Variants in POM121C observed in about 807,000 individuals in gnomAD.
The protein encoded by POM121C is POM121 transmembrane nucleoporin C.
POM121C carries 20 observed loss-of-function variants against 66.4 expected under a neutral mutation model. The observed-to-expected ratio is 0.30, with a 90% CI of 0.21 to 0.44. The LOEUF (loss-of-function observed/expected upper bound fraction) is 0.44. Among genes scored for constraint, POM121C ranks in the 20% least tolerant of loss-of-function variants. The pLI, the probability that POM121C is intolerant of heterozygous loss-of-function variation, is 1.00. For missense variants in POM121C, 580 were observed against 1,225.7 expected, an observed-to-expected ratio of 0.47 and a Z score of 7.87; for synonymous variants, 286 against 528.0, an observed-to-expected ratio of 0.54 and a Z score of 6.28.
chr7:75,442,095 T>A (rs1350308512), intron 3 of POM121C: 6 of 1,370,522 alleles, frequency 4.4e-6, no homozygotes, highest in Non-Finnish European at 1.9e-6. Flanking sequence ...AGTCCTCGAT[T>A]TCAAGCCAGC....
Position 75,441,434 on chromosome 7 carries a change from C to T in POM121C, c.63G>A (p.Ala21=), listed in dbSNP as rs368907417. 6.2e-7 allele frequency: 1 copy of T among 1,613,864 alleles called. No homozygotes were observed. Among genetic ancestry groups the T allele is most frequent in the Non-Finnish European group, 8.5e-7 (1 of 1,179,824 alleles). ...APPDRRFSRS[A]IPEQIISSTL... is the part of the protein sequence containing the mutation. ...ATTCTTCCAACGATAATACTCACATCGCAGAACGTGAAAATCTTCTGTCAG... is the reference window on the plus strand; with the variant it reads ...ATTCTTCCAACGATAATACTCACATTGCAGAACGTGAAAATCTTCTGTCAG... The change falls in exon 4 of 15, where the codon GCG becomes GCA. Residue 21 remains alanine, a splice_region_variant and synonymous_variant. Coordinates refer to ENST00000615331, the MANE Select transcript of POM121C (RefSeq NM_001099415.3).
intron 1 of POM121C, among the ~76,000 whole-genome samples, chr7:75,480,836 T>A (rs1792279436): frequency 6.6e-6 from 1 of 151,886 alleles, no homozygotes; most frequent in Non-Finnish European, 1.5e-5. Flanking sequence ...ATAAAGGAAA[T>A]TATTGGGAAA....
At chr7:75,432,133 C>T (rs587749575) in intron 7 of POM121C, among the ~76,000 whole-genome samples, 3 of 146,546 alleles carry the variant, frequency 2.0e-5, no homozygotes, top group South Asian at 4.3e-4. Context: ...TGCAGTGAGC[C>T]GAGATCGCGC....
At chr7:75,432,907 G>A (rs1478373683) in intron 7 of POM121C, among the ~76,000 whole-genome samples, 1 of 152,044 alleles carries the variant, frequency 6.6e-6, no homozygotes, top group Non-Finnish European at 1.5e-5. Context: ...AACCAGGAAA[G>A]GTAATATTTG....
At chr7:75,463,552 C>T (rs1371479208) in intron 3 of POM121C, among the ~76,000 whole-genome samples, 3 of 150,926 alleles carry the variant, frequency 2.0e-5, no homozygotes, top group East Asian at 1.9e-4. Context: ...TTTCAGAGAC[C>T]GCACATGTAA....
At chr7:75,484,316 T>A (rs1792423635) in intron 1 of POM121C, 1 of 939,870 alleles carries the variant, frequency 1.1e-6, no homozygotes, top group African/African-American at 1.7e-5. Context: ...AAGGCAGAAA[T>A]CACCTGCATA....
intron 7 of POM121C, among the ~76,000 whole-genome samples, chr7:75,430,715 C>G (rs1790135067): frequency 6.6e-6 from 1 of 152,080 alleles, no homozygotes; most frequent in Non-Finnish European, 1.5e-5. Context: ...ACATACATGA[C>G]AGAGAGCTTG....
At chr7:75,475,394 C>T (rs1418102149) in intron 1 of POM121C, among the ~76,000 whole-genome samples, 1 of 152,166 alleles carries the variant, frequency 6.6e-6, no homozygotes, top group Non-Finnish European at 1.5e-5. Flanking sequence ...CACAACTGAG[C>T]TCCTATTTTG....
chr7:75,432,450 A>G (rs1258353816), intron 7 of POM121C, among the ~76,000 whole-genome samples: 2 of 152,220 alleles, frequency 1.3e-5, no homozygotes, highest in African/African-American at 4.8e-5. Flanking sequence ...ATGTTAAGTC[A>G]AACACCAAAG....
intron 1 of POM121C, among the ~76,000 whole-genome samples, chr7:75,479,606 ACT>A (rs1169088625): frequency 1.6e-5 from 2 of 126,718 alleles, no homozygotes; most frequent in African/African-American, 7.5e-5. Context: ...ACAGAGTGAG[ACT>A]CTGTCTCTAA....
chr7:75,431,449 CA>C (rs1554472331), intron 7 of POM121C, among the ~76,000 whole-genome samples: 1 of 150,244 alleles, frequency 6.7e-6, no homozygotes, highest in South Asian at 2.1e-4. Context: ...ACTAAAAATA[CA>C]AAATTTGCTG....
At chr7:75,485,632 A>G (rs1293324532) in intron 1 of POM121C, among the ~76,000 whole-genome samples, 2 of 152,084 alleles carry the variant, frequency 1.3e-5, no homozygotes, top group Non-Finnish European at 2.9e-5. Context: ...GGGAGTGGAG[A>G]CGACGTCCGC....
chr7:75,440,762 C>T (rs1554473812), intron 5 of POM121C, 192 bp downstream of exon 5: 5 of 861,564 alleles, frequency 5.8e-6, no homozygotes, highest in South Asian at 3.4e-5. Context: ...ATTATGACAT[C>T]GATCTAACCT....
At chr7:75,436,329 T>C (rs1199514631) in intron 7 of POM121C, among the ~76,000 whole-genome samples, 3 of 152,128 alleles carry the variant, frequency 2.0e-5, no homozygotes, top group Non-Finnish European at 4.4e-5. Flanking sequence ...AGGCTAAAAA[T>C]GGACTTTGGG....
Position 75,473,900 on chromosome 7 carries a change from G to A in POM121C, c.-152+804C>T, listed in dbSNP as rs587631728. 3.3e-5 allele frequency among the ~76,000 whole-genome samples: 5 copies of A among 152,054 alleles called. No individual in the cohort carries two copies. The East Asian group carries it at 9.7e-4, about 30-fold the overall frequency. ...AGACGGGGTTTCACCGTTTTAGCCG[G>A]GATGGTCTCGATCTCCTGACCTTGT... is the stretch of plus-strand genomic sequence containing the variant. On this transcript the variant is annotated intron_variant, in intron 3 of 14. Transcript: ENST00000615331.
chr7:75,472,170 G>A (rs1171256755), intron 3 of POM121C, among the ~76,000 whole-genome samples: 4 of 151,830 alleles, frequency 2.6e-5, no homozygotes, highest in African/African-American at 9.7e-5. Flanking sequence ...ACAGGCATGA[G>A]CCACCGTGCC....
intron 3 of POM121C, among the ~76,000 whole-genome samples, chr7:75,462,166 C>T (rs1317290245): frequency 2.7e-5 from 4 of 146,844 alleles, no homozygotes; most frequent in Non-Finnish European, 4.5e-5. Context: ...GGATCACGGG[C>T]GCGGTTTGCC....
rs1554471326 is a variant in POM121C, at chr7:75,424,044, C to T, written c.1048+5G>A. On this transcript the variant is annotated splice_donor_5th_base_variant and intron_variant, in intron 12 of 14. Coordinates refer to ENST00000615331, the MANE Select transcript of POM121C (RefSeq NM_001099415.3). ...GGCTGGATCCACGGCCCCACTCCAG[C>T]TCACCTGGGCAGGGTGGCAGGCTCG... The T allele has an allele frequency of 6.2e-7, 1 of 1,611,002 alleles. No individual in the cohort carries two copies. Among genetic ancestry groups the T allele is most frequent in the Non-Finnish European group, 8.5e-7 (1 of 1,179,206 alleles).
intron 6 of POM121C, among the ~76,000 whole-genome samples, chr7:75,437,966 A>C (rs1352408120): frequency 6.6e-6 from 1 of 152,194 alleles, no homozygotes; most frequent in East Asian, 1.9e-4. Flanking sequence ...GGTGGAACTA[A>C]AGAGAGGGAT....
Sources: allele counts gnomAD v4.1 joint callset (sites outside exome capture counted in the v4.1 genomes callset), GRCh38; gene constraint gnomAD v4.1.1; transcripts MANE v1.5; gene names NCBI Gene and HGNC (gene_info 2026-07-23, HGNC 2026-07-21).